HDAC4: variants seen among roughly 807,000 people sequenced by gnomAD.
The protein encoded by HDAC4 is histone deacetylase A.
A neutral mutation model predicts 135.1 loss-of-function variants in HDAC4; 16 were observed. The observed-to-expected ratio is 0.12, with a 90% CI of 0.08 to 0.18. HDAC4 has a LOEUF of 0.18. Among genes scored for constraint, HDAC4 ranks in the 10% least tolerant of loss-of-function variants. The probability of loss-of-function intolerance (pLI) is 1.00; values close to 1 mark genes in which losing one functional copy is unlikely to be tolerated. For synonymous variants in HDAC4, 685 were observed against 653.4 expected, an observed-to-expected ratio of 1.05 and a Z score of -0.74; for missense variants, 1,143 against 1,511.8, an observed-to-expected ratio of 0.76 and a Z score of 4.05.
intron 2 of HDAC4, among the ~76,000 whole-genome samples, chr2:239,294,776 C>T (rs571735218): frequency 1.3e-4 from 20 of 152,270 alleles, no homozygotes; most frequent in African/African-American, 4.6e-4. Flanking sequence ...TCAGCTTCCT[C>T]ATCTGTAAAA....
intron 17 of HDAC4, chr2:239,094,575 G>A (rs191226780): frequency 4.4e-5 from 49 of 1,111,302 alleles, no homozygotes; most frequent in Non-Finnish European, 4.9e-5. Flanking sequence ...CAGACTCCAC[G>A]TGGCCCATGA....
chr2:239,377,438 A>C (rs1326922585), intron 1 of HDAC4, among the ~76,000 whole-genome samples: 3 of 152,146 alleles, frequency 2.0e-5, no homozygotes, highest in Non-Finnish European at 4.4e-5. Context: ...GGCTGCCCCG[A>C]CGCCTGCATC....
chr2:239,292,333 C>T (rs1191619815), intron 2 of HDAC4, among the ~76,000 whole-genome samples: 2 of 152,220 alleles, frequency 1.3e-5, no homozygotes, highest in Non-Finnish European at 2.9e-5. Context: ...CTGCTCTCTG[C>T]GTTCGAGGAT....
At chr2:239,106,810 A>T (rs978211350) in intron 15 of HDAC4, among the ~76,000 whole-genome samples, 1 of 152,198 alleles carries the variant, frequency 6.6e-6, no homozygotes, top group African/African-American at 2.4e-5. Flanking sequence ...CCTCCGTGCC[A>T]CGCCAGCTCC....
chr2:239,160,913 A>C (rs2042751464), intron 6 of HDAC4, among the ~76,000 whole-genome samples: 1 of 152,232 alleles, frequency 6.6e-6, no homozygotes, highest in East Asian at 1.9e-4. Context: ...TCAGATTCCA[A>C]CAGGCAGCAC....
rs544367919 is a variant in HDAC4 at position 239,240,355 on chromosome 2, A to C, written c.23-3691T>G. On this transcript the variant is annotated intron_variant, in intron 2 of 26. Coordinates refer to ENST00000543185, the MANE Select transcript of HDAC4 (RefSeq NM_001378414.1). The surrounding 1 kb of genome is among the most constrained non-coding windows in gnomAD (Gnocchi z 4.5). ...GTGAATGTGCACAGAATAGATTCTT[A>C]ACGCTGTGTTTTTTCAGATATCATA... 6.6e-6 allele frequency among the ~76,000 whole-genome samples: 1 copy of C among 152,384 alleles called. No individual in the cohort carries two copies. Among genetic ancestry groups the C allele is most frequent in the East Asian group, 1.9e-4 (1 of 5,188 alleles).
intron 2 of HDAC4, among the ~76,000 whole-genome samples, chr2:239,258,327 C>G (rs926282312): frequency 6.7e-6 from 1 of 150,332 alleles, no homozygotes; most frequent in Non-Finnish European, 1.5e-5. Flanking sequence ...GTCAAAAGCA[C>G]GTCTGAAAGG....
chr2:239,135,767 G>A (rs1483998307), intron 9 of HDAC4, among the ~76,000 whole-genome samples: 3 of 152,216 alleles, frequency 2.0e-5, no homozygotes, highest in Middle Eastern at 3.2e-3. Flanking sequence ...ACACCTTGGT[G>A]TTAACAGAAC....
At chr2:239,212,014 T>C (rs3791601) in intron 3 of HDAC4, among the ~76,000 whole-genome samples, 17,090 of 152,272 alleles carry the variant, frequency 0.11, 1,058 homozygotes, top group Admixed American at 0.13. Context: ...GGTCACTTTT[T>C]AGAAAACATC....
At chr2:239,149,961 C>G (rs1047497818) in intron 7 of HDAC4, among the ~76,000 whole-genome samples, 1 of 152,178 alleles carries the variant, frequency 6.6e-6, no homozygotes. Context: ...TTTCAGGAAC[C>G]TTTCCTACAG....
rs569043406 is a variant in HDAC4 at position 239,159,424 on chromosome 2, C to A, written c.612-2651G>T. On this transcript the variant is annotated intron_variant, in intron 6 of 26. Coordinates refer to ENST00000543185, the MANE Select transcript of HDAC4 (RefSeq NM_001378414.1). Reference sequence around the variant, plus strand: ...CCCACACCCCCTCACCTTACACAAACTCATGCCTACCTCCCGCACTCACAC... The same window carrying A: ...CCCACACCCCCTCACCTTACACAAAATCATGCCTACCTCCCGCACTCACAC... Among the ~76,000 whole-genome samples the A allele has an allele frequency of 4.3e-3, 632 of 145,928 alleles. 4 individuals carry two copies. The highest frequency in any genetic ancestry group is 6.7e-3 in the Non-Finnish European group (440 of 66,136).
chr2:239,152,012 T>C (rs946210753), intron 7 of HDAC4, among the ~76,000 whole-genome samples: 11 of 152,190 alleles, frequency 7.2e-5, no homozygotes, highest in Non-Finnish European at 1.2e-4. Flanking sequence ...TTGGCCTCCT[T>C]TCATCTATCA....
At chr2:239,178,277 T>C (rs775825395) in intron 4 of HDAC4, among the ~76,000 whole-genome samples, 3 of 152,220 alleles carry the variant, frequency 2.0e-5, no homozygotes, top group Non-Finnish European at 4.4e-5. Flanking sequence ...TCCCAGTGTC[T>C]TGTTTATTTT....
At chr2:239,103,046 A>C in intron 15 of HDAC4, 150 bp from the exon 16 acceptor site, 2 of 839,046 alleles carry the variant, frequency 2.4e-6, no homozygotes, top group Non-Finnish European at 3.8e-6. Context: ...CAAAAGAAGA[A>C]GCAACATCAC....
intron 2 of HDAC4, among the ~76,000 whole-genome samples, chr2:239,295,073 C>T (rs932455257): frequency 1.3e-5 from 2 of 151,800 alleles, no homozygotes; most frequent in Admixed American, 6.6e-5. Flanking sequence ...TTTGGGAGGC[C>T]GAGGCGGGCG....
intron 1 of HDAC4, among the ~76,000 whole-genome samples, chr2:239,357,149 G>T (rs945261749): frequency 1.3e-5 from 2 of 152,066 alleles, no homozygotes. Context: ...AACCAGTCTC[G>T]AATTCAAAAG....
At chr2:239,237,888 G>C (rs891683950) in intron 2 of HDAC4, among the ~76,000 whole-genome samples, 1 of 152,176 alleles carries the variant, frequency 6.6e-6, no homozygotes, top group Non-Finnish European at 1.5e-5. Flanking sequence ...CCCAAGTCTC[G>C]GCAACTCTTA....
At chr2:239,092,935 A>G (rs2036656298) in intron 17 of HDAC4, among the ~76,000 whole-genome samples, 1 of 151,834 alleles carries the variant, frequency 6.6e-6, no homozygotes, top group Non-Finnish European at 1.5e-5. Flanking sequence ...TAAAGACAGG[A>G]AAAAGGCGGG....
chr2:239,176,856 A>G (rs1008271022), intron 4 of HDAC4, among the ~76,000 whole-genome samples: 1 of 152,264 alleles, frequency 6.6e-6, no homozygotes, highest in Non-Finnish European at 1.5e-5. Context: ...TGGAAATGCT[A>G]TTTTGAGAAC....
Sources: gnomAD v4.1 joint callset for allele counts (sites outside exome capture counted in the v4.1 genomes callset) on GRCh38, gnomAD v4.1.1 for gene constraint, Gnocchi (gnomAD v3.1) non-coding constraint, MANE v1.5 for transcripts, NCBI Gene and HGNC (gene_info 2026-07-23, HGNC 2026-07-21) for gene names.